Variants in CHST9 observed in about 807,000 individuals in gnomAD.
The protein encoded by CHST9 is carbohydrate sulfotransferase 9.
Under a neutral mutation model 44.4 loss-of-function variants are expected in CHST9, and 41 were observed. The ratio of observed to expected loss-of-function variants is 0.92; its 90% confidence interval spans 0.72 to 1.20. The LOEUF (loss-of-function observed/expected upper bound fraction) is 1.20, where lower values mean the gene tolerates loss of function less well. Among genes scored for constraint, CHST9 ranks in the 50% most tolerant of loss-of-function variants. The probability of loss-of-function intolerance (pLI) is 0.00; values close to 1 mark genes in which losing one functional copy is unlikely to be tolerated. For missense variants in CHST9, 504 were observed against 516.5 expected (o/e 0.98, Z 0.23); for synonymous variants, 171 against 178.4 (o/e 0.96, Z 0.33).
chr18:27,079,080 C>T (rs562841150), intron 2 of CHST9, among the ~76,000 whole-genome samples: 6 of 152,104 alleles, frequency 3.9e-5, no homozygotes, highest in African/African-American at 1.4e-4. Flanking sequence ...AATGAGTGGG[C>T]GTACTCTGAA....
chr18:27,179,533 G>C (rs1004412858), intron 1 of CHST9, among the ~76,000 whole-genome samples: 7 of 151,992 alleles, frequency 4.6e-5, no homozygotes, highest in Non-Finnish European at 1.0e-4. Context: ...GTATGTTCAG[G>C]GTTGTCACAA....
intron 2 of CHST9, 42 bp downstream of exon 2, chr18:27,142,647 T>C (rs765046141): frequency 2.6e-5 from 37 of 1,411,666 alleles, no homozygotes; most frequent in Non-Finnish European, 3.1e-5. Context: ...AAAATAGCTA[T>C]TATTGTTACA....
rs1491021331 is a variant in CHST9, at chr18:26,912,372, AAT to A, written c.*3885_*3886del. 10,607 of 146,088 alleles carry A rather than the reference AAT, an allele frequency of 0.073. 497 individuals are homozygous for A. Among genetic ancestry groups the A allele is most frequent in the African/African-American group, 0.12 (4,561 of 39,274 alleles). The allele number at this position is 146,088 out of a possible 1,614,324, so 9.0% of individuals were successfully genotyped here. A position where few individuals can be genotyped will look rare whatever the true frequency, so the allele number is the denominator to read the frequency against. On this transcript the variant is annotated 3_prime_UTR_variant, in exon 6 of 6. Transcript: ENST00000618847. ...TTGAAATGTGATAACTAACTAGCTA[AAT>A]ACACACACACACACACACACACACA...
chr18:27,158,418 T>C (rs2058715774), intron 1 of CHST9, among the ~76,000 whole-genome samples: 1 of 151,850 alleles, frequency 6.6e-6, no homozygotes, highest in Admixed American at 6.6e-5. Flanking sequence ...TCCATGTCCC[T>C]ACAAAGGACA....
intron 2 of CHST9, among the ~76,000 whole-genome samples, chr18:27,133,171 G>A (rs2058486111): frequency 6.6e-6 from 1 of 152,206 alleles, no homozygotes; most frequent in South Asian, 2.1e-4. Context: ...GGGTTACATT[G>A]TAATATGGCA....
At chr18:27,149,668 T>C (rs1002079534) in intron 1 of CHST9, among the ~76,000 whole-genome samples, 3 of 151,836 alleles carry the variant, frequency 2.0e-5, no homozygotes, top group Non-Finnish European at 4.4e-5. Context: ...CCTTTCAATA[T>C]ACCTCACAAG....
At chr18:27,083,250 T>C (rs897617314) in intron 2 of CHST9, among the ~76,000 whole-genome samples, 1 of 152,178 alleles carries the variant, frequency 6.6e-6, no homozygotes, top group African/African-American at 2.4e-5. Flanking sequence ...TTACCACTTA[T>C]TCTCATATGT....
intron 2 of CHST9, among the ~76,000 whole-genome samples, chr18:27,132,849 T>C (rs902173285): frequency 6.6e-6 from 1 of 152,200 alleles, no homozygotes; most frequent in African/African-American, 2.4e-5. Flanking sequence ...TGGGGCTCCC[T>C]TTATATAACT....
At chr18:27,017,443 G>A (rs998238718) in intron 4 of CHST9, among the ~76,000 whole-genome samples, 3 of 152,178 alleles carry the variant, frequency 2.0e-5, no homozygotes, top group Non-Finnish European at 4.4e-5. Flanking sequence ...AGGAGTGAAT[G>A]ACTGATATAT....
chr18:26,931,160 G>A (rs1444219952), intron 5 of CHST9, among the ~76,000 whole-genome samples: 1 of 152,170 alleles, frequency 6.6e-6, no homozygotes, highest in East Asian at 1.9e-4. Context: ...TCATAAAGCA[G>A]GCAAGTATAA....
At chr18:27,179,933 T>C (rs1013167977) in intron 1 of CHST9, among the ~76,000 whole-genome samples, 2 of 152,124 alleles carry the variant, frequency 1.3e-5, no homozygotes, top group Admixed American at 1.3e-4. Flanking sequence ...AGAATTAACA[T>C]TAGTTAACAA....
At chr18:27,086,109 C>T (rs530298065) in intron 2 of CHST9, among the ~76,000 whole-genome samples, 1 of 152,146 alleles carries the variant, frequency 6.6e-6, no homozygotes, top group Non-Finnish European at 1.5e-5. Flanking sequence ...AGACACAGGC[C>T]TACTTGAGGG....
chr18:27,080,628 G>A (rs1474497238), intron 2 of CHST9, among the ~76,000 whole-genome samples: 4 of 152,138 alleles, frequency 2.6e-5, no homozygotes, highest in Non-Finnish European at 5.9e-5. Flanking sequence ...AGGCATAGGT[G>A]GCCAAATGTG....
chr18:26,990,816 C>T (rs1281711586), intron 4 of CHST9, among the ~76,000 whole-genome samples: 1 of 152,228 alleles, frequency 6.6e-6, no homozygotes, highest in Non-Finnish European at 1.5e-5. Flanking sequence ...ATTGCAATCC[C>T]ATGTTCCTTG....
intron 5 of CHST9, among the ~76,000 whole-genome samples, chr18:26,925,422 AACACAGCT>A (rs1368278888): frequency 1.3e-5 from 2 of 152,216 alleles, no homozygotes; most frequent in African/African-American, 4.8e-5. Context: ...GTGCCAAGTT[AACACAGCT>A]ATTGCTGGAG....
chr18:27,134,950 C>T (rs2075456869), intron 2 of CHST9, among the ~76,000 whole-genome samples: 1 of 152,146 alleles, frequency 6.6e-6, no homozygotes, highest in Non-Finnish European at 1.5e-5. Flanking sequence ...GAGACAATTA[C>T]ATCAAGACAT....
intron 4 of CHST9, among the ~76,000 whole-genome samples, chr18:26,975,720 T>TGC: frequency 1.2e-5 from 1 of 80,236 alleles, no homozygotes; most frequent in African/African-American, 4.6e-5. Context: ...TGTGTGTGTG[T>TGC]GTGTGTATAT....
intron 4 of CHST9, among the ~76,000 whole-genome samples, chr18:27,022,219 C>T (rs1377215601): frequency 6.6e-6 from 1 of 152,100 alleles, no homozygotes; most frequent in Non-Finnish European, 1.5e-5. Context: ...CTTGTGTCCT[C>T]GTATTCTACA....
intron 2 of CHST9, among the ~76,000 whole-genome samples, chr18:27,138,406 T>C (rs748215879): frequency 2.6e-5 from 4 of 152,166 alleles, no homozygotes; most frequent in African/African-American, 9.7e-5. Context: ...CTCAATCCTA[T>C]CCTTCTCCTG....
Sources: gnomAD v4.1 joint callset for allele counts (sites outside exome capture counted in the v4.1 genomes callset) on GRCh38, gnomAD v4.1.1 for gene constraint, MANE v1.5 for transcripts, NCBI Gene and HGNC (gene_info 2026-07-23, HGNC 2026-07-21) for gene names.